PARP1: variants seen among roughly 807,000 people sequenced by gnomAD.
The protein encoded by PARP1 is poly(ADP-ribose) polymerase 1, also known as poly [ADP-ribose] polymerase 1.
A neutral mutation model predicts 118.7 loss-of-function variants in PARP1; 44 were observed. The observed-to-expected ratio is 0.37, with a 90% CI of 0.29 to 0.48. The LOEUF (loss-of-function observed/expected upper bound fraction) is 0.48, where lower values mean the gene tolerates loss of function less well. PARP1 is among the 20% of genes least tolerant of loss of function. The probability of loss-of-function intolerance (pLI) is 0.99; values close to 1 mark genes in which losing one functional copy is unlikely to be tolerated. For missense variants in PARP1, 1,100 were observed against 1,272.4 expected (o/e 0.86, Z 2.06); for synonymous variants, 492 against 483.2 (o/e 1.02, Z -0.24).
chr1:226,388,779 A>G, intron 4 of PARP1, 24 bp from the exon 5 acceptor site: 1 of 1,560,928 alleles, frequency 6.4e-7, no homozygotes, highest in South Asian at 1.1e-5. Flanking sequence ...AGGATATGAG[A>G]GACAGCCAGA....
At chr1:226,386,522 T>C (rs1664721306) in intron 5 of PARP1, 80 bp from the exon 6 acceptor site, 3 of 929,204 alleles carry the variant, frequency 3.2e-6, no homozygotes, top group East Asian at 4.8e-5. Flanking sequence ...CTGGTCATGC[T>C]GAGCCTCCAG....
rs2102728832 is a variant in PARP1, at chr1:226,368,206, C to T, written c.2270G>A (p.Ser757Asn). ...KKPPLLNNAD[S>N]VQAKVEMLDN... ...TCTGAACCCTTGCGCTACCTGCACA[C>T]TGTCTGCATTGTTCAGGAGCGGAGG... The change falls in exon 16 of 23, where the codon AGT becomes AAT. Residue 757 changes from serine to asparagine, a missense_variant. Transcript: ENST00000366794. 6.2e-7 allele frequency: 1 copy of T among 1,614,240 alleles called. No homozygotes were observed. Among genetic ancestry groups the T allele is most frequent in the Non-Finnish European group, 8.5e-7 (1 of 1,180,042 alleles).
chr1:226,395,613 C>G (rs1576401671), intron 2 of PARP1, among the ~76,000 whole-genome samples: 1 of 152,026 alleles, frequency 6.6e-6, no homozygotes, highest in African/African-American at 2.4e-5. Flanking sequence ...CCACTGCACT[C>G]CAGCCTGGGC....
chr1:226,402,150 C>G, intron 2 of PARP1, 64 bp downstream of exon 2: 1 of 1,613,824 alleles, frequency 6.2e-7, no homozygotes, highest in East Asian at 2.2e-5. Flanking sequence ...CTCTCTGAGA[C>G]GAGGCCCTCC....
intron 1 of PARP1, among the ~76,000 whole-genome samples, chr1:226,405,024 C>T (rs1310032925): frequency 3.3e-5 from 5 of 152,162 alleles, no homozygotes; most frequent in African/African-American, 9.7e-5. Flanking sequence ...CCAAGATGCC[C>T]CAGGCATGAG....
At position 226,374,212 on chromosome 1, in the gene PARP1, T is replaced by TA. The variant is rs761447332; in HGVS notation, c.2070+13dup. On this transcript the variant is annotated intron_variant, in intron 14 of 22. Coordinates refer to ENST00000366794, the MANE Select transcript of PARP1 (RefSeq NM_001618.4). ...CAGCAAATGCTCACAGATAAAATGA[T>TA]AAAGCGCAATAACCTCATACTCCAC... 6.2e-7 allele frequency: 1 copy of TA among 1,613,412 alleles called. No homozygotes were observed. Among genetic ancestry groups the TA allele is most frequent in the East Asian group, 2.2e-5 (1 of 44,884 alleles).
At chr1:226,366,823 G>C (rs1664276662) in intron 17 of PARP1, 1 of 162,210 alleles carries the variant, frequency 6.2e-6, no homozygotes, top group East Asian at 1.8e-4. Context: ...TAAACACCTG[G>C]TACCAGACTC....
rs1664123741 is a variant in PARP1, at chr1:226,360,985, T to C, written c.*475A>G. On this transcript the variant is annotated 3_prime_UTR_variant, in exon 23 of 23. Coordinates refer to ENST00000366794, the MANE Select transcript of PARP1 (RefSeq NM_001618.4). ...TAAAAAGGGGACAATAAGTGCAAGA[T>C]AAAAAAGAAAATCTAAATAGTATGA... 1 of 230,716 alleles carries C rather than the reference T, an allele frequency of 4.3e-6. No individual in the cohort carries two copies. Among genetic ancestry groups the C allele is most frequent in the African/African-American group, 2.2e-5 (1 of 44,504 alleles). 14.3% of individuals were successfully genotyped at this position (230,716 alleles called of 1,614,324 possible).
chr1:226,367,402 C>T (rs1664292040), intron 17 of PARP1, 78 bp downstream of exon 17: 2 of 1,547,636 alleles, frequency 1.3e-6, no homozygotes, highest in African/African-American at 1.4e-5. Flanking sequence ...CCAGGAGATC[C>T]TAACACACAT....
chr1:226,397,222 G>A (rs976406744), intron 2 of PARP1, among the ~76,000 whole-genome samples: 12 of 151,728 alleles, frequency 7.9e-5, no homozygotes, highest in Non-Finnish European at 1.6e-4. Flanking sequence ...TCCAGAGGCT[G>A]ACGTGGGAGG....
At chr1:226,390,712 G>T in intron 3 of PARP1, 88 bp from the exon 4 acceptor site, 1 of 1,273,118 alleles carries the variant, frequency 7.9e-7, no homozygotes, top group Middle Eastern at 2.0e-4. Context: ...AGCCAGTGAG[G>T]AGCTGAGGGT....
rs765535441 is a variant in PARP1 at position 226,392,230 on chromosome 1, G to A, written c.371C>T (p.Thr124Met). ...TATCTTCTCCATACACCCCTTGCAC[G>A]TACTTCTGTTGGACTTGGCATACTC... ...AAEYAKSNRSTCKGCMEKIEK... is the reference protein window; with the variant it reads ...AAEYAKSNRSMCKGCMEKIEK... The change falls in exon 3 of 23, where the codon ACG becomes ATG. Residue 124 changes from threonine to methionine, a missense_variant. This residue lies in a region of PARP1 where 948 missense variants were observed against 1,031.8 expected (regional missense o/e 0.92). Transcript: ENST00000366794. 8.7e-6 allele frequency: 14 copies of A among 1,613,388 alleles called. No homozygotes were observed. Among genetic ancestry groups the A allele is most frequent in the African/African-American group, 4.0e-5 (3 of 74,866 alleles).
At chr1:226,387,458 C>G (rs1179497229) in intron 5 of PARP1, among the ~76,000 whole-genome samples, 1 of 152,194 alleles carries the variant, frequency 6.6e-6, no homozygotes, top group Non-Finnish European at 1.5e-5. Flanking sequence ...CTATCATATC[C>G]TATAGGGTTG....
intron 3 of PARP1, among the ~76,000 whole-genome samples, chr1:226,391,883 T>C (rs1463221606): frequency 6.6e-6 from 1 of 152,146 alleles, no homozygotes; most frequent in Non-Finnish European, 1.5e-5. Context: ...ACACACTCCT[T>C]ATACCTAATT....
chr1:226,376,936 G>C (rs1264491835), intron 13 of PARP1, among the ~76,000 whole-genome samples, 172 bp downstream of exon 13: 4 of 152,156 alleles, frequency 2.6e-5, no homozygotes, highest in Non-Finnish European at 5.9e-5. Context: ...AATGAGCTGG[G>C]AAGTATTTTC....
chr1:226,371,844 T>C (rs544238970), intron 14 of PARP1, among the ~76,000 whole-genome samples: 2 of 147,634 alleles, frequency 1.4e-5, no homozygotes, highest in African/African-American at 4.9e-5. Flanking sequence ...TCCCTAATTG[T>C]ACACCCCTCA....
At chr1:226,370,683 C>A (rs1350771750) in intron 14 of PARP1, 166 bp from the exon 15 acceptor site, 5 of 678,550 alleles carry the variant, frequency 7.4e-6, no homozygotes, top group Non-Finnish European at 1.4e-5. Context: ...GTAGCCCCAC[C>A]CCACCATGAG....
At chr1:226,379,407 A>G in intron 11 of PARP1, 133 bp from the exon 12 acceptor site, 4 of 1,284,506 alleles carry the variant, frequency 3.1e-6, no homozygotes, top group Non-Finnish European at 4.5e-6. Flanking sequence ...GCTCCCCACA[A>G]ATGTGTGTTC....
At chr1:226,381,022 G>A in intron 9 of PARP1, 46 bp downstream of exon 9, 1 of 1,607,252 alleles carries the variant, frequency 6.2e-7, no homozygotes, top group Non-Finnish European at 8.5e-7. Context: ...ACAATCATAA[G>A]ATACAGAAGC....
Sources: gnomAD v4.1 joint callset for allele counts (sites outside exome capture counted in the v4.1 genomes callset) on GRCh38, gnomAD v4.1.1 for gene constraint, gnomAD v4.1.1 regional missense constraint, MANE v1.5 for transcripts, NCBI Gene and HGNC (gene_info 2026-07-23, HGNC 2026-07-21) for gene names.